LEPROTL1: variants seen among roughly 807,000 people sequenced by gnomAD.
LEPROTL1 encodes the protein leptin receptor overlapping transcript like 1.
LEPROTL1 carries 6 observed loss-of-function variants against 15.4 expected under a neutral mutation model. The ratio of observed to expected loss-of-function variants is 0.39; its 90% CI spans 0.21 to 0.77. The LOEUF is 0.77. Among genes scored for constraint, LEPROTL1 ranks in the 30% least tolerant of loss-of-function variants. The probability of loss-of-function intolerance (pLI) is 0.41; values close to 1 mark genes in which losing one functional copy is unlikely to be tolerated. For synonymous variants in LEPROTL1, 56 were observed against 52.6 expected (o/e 1.06, Z -0.28); for missense variants, 128 against 158.1 (o/e 0.81, Z 1.02).
At chr8:30,119,896 C>T (rs1163609520) in intron 3 of LEPROTL1, among the ~76,000 whole-genome samples, 1 of 151,986 alleles carries the variant, frequency 6.6e-6, no homozygotes, top group East Asian at 1.9e-4. Context: ...TGGCAAAATG[C>T]CGTCTCTGCT....
At chr8:30,109,509 A>C (rs1802623881), downstream of LEPROTL1, among the ~76,000 whole-genome samples, 1 of 152,176 alleles carries the variant, frequency 6.6e-6, no homozygotes, top group African/African-American at 2.4e-5. Flanking sequence ...ATATATTAAA[A>C]CACTTTAATT....
Position 30,106,603 on chromosome 8 carries a change from G to A in LEPROTL1, c.*741G>A. On this transcript the variant is annotated 3_prime_UTR_variant, in exon 4 of 4. Transcript: ENST00000321250. ...GGGTGTAAAAACATTTTTGAGATAA[G>A]GTTTTTATTTATGTTTATTATTGTT... 2 of 983,112 alleles carry A rather than the reference G, an allele frequency of 2.0e-6. No homozygotes were observed. Among genetic ancestry groups the A allele is most frequent in the Non-Finnish European group, 1.2e-6 (1 of 827,528 alleles). The allele number at this position is 983,112 out of a possible 1,614,324, so 60.9% of individuals were successfully genotyped here.
chr8:30,108,971 G>A (rs552882105), downstream of LEPROTL1, among the ~76,000 whole-genome samples: 1 of 152,038 alleles, frequency 6.6e-6, no homozygotes, highest in East Asian at 1.9e-4. Flanking sequence ...TGCCATGTTG[G>A]CCACGCTGGT....
chr8:30,132,876 G>C (rs142693229), intron 4 of LEPROTL1: 5 of 1,531,344 alleles, frequency 3.3e-6, no homozygotes, highest in Non-Finnish European at 4.4e-6. Flanking sequence ...TCTGGGTCAA[G>C]AGCATGAGAG....
chr8:30,096,188 TTTTC>T (rs1802362410), intron 1 of LEPROTL1: 4 of 772,404 alleles, frequency 5.2e-6, no homozygotes, highest in East Asian at 1.9e-4. Context: ...ATTTCAAAAT[TTTTC>T]TTTTTTTCCT....
At position 30,107,637 on chromosome 8, in the gene LEPROTL1, C is replaced by T; in HGVS notation, c.*1775C>T. 3.0e-6 allele frequency: 3 copies of T among 985,706 alleles called. No homozygotes were observed. Among genetic ancestry groups the T allele is most frequent in the Non-Finnish European group, 3.6e-6 (3 of 829,930 alleles). 61.1% of individuals were successfully genotyped at this position (985,706 alleles called of 1,614,324 possible). On this transcript the variant is annotated 3_prime_UTR_variant, in exon 4 of 4. Coordinates refer to ENST00000321250, the MANE Select transcript of LEPROTL1 (RefSeq NM_015344.3). ...GTGGCTGGAGCCTTCCCACTGGAGG[C>T]TGAAAGTGGCTTGTGGTATTATAAT...
At chr8:30,127,632 G>A (rs1802924323) in intron 3 of LEPROTL1, among the ~76,000 whole-genome samples, 1 of 149,126 alleles carries the variant, frequency 6.7e-6, no homozygotes, top group Non-Finnish European at 1.5e-5. Flanking sequence ...TTGTGCCACT[G>A]CATGCCAGCC....
chr8:30,134,184 G>T (rs1313997621), intron 4 of LEPROTL1, among the ~76,000 whole-genome samples: 1 of 152,118 alleles, frequency 6.6e-6, no homozygotes, highest in Non-Finnish European at 1.5e-5. Flanking sequence ...CAGCACTTTG[G>T]GAGGCCGAGG....
intron 1 of LEPROTL1, among the ~76,000 whole-genome samples, chr8:30,097,061 A>C (rs918775206): frequency 1.3e-5 from 2 of 152,226 alleles, no homozygotes; most frequent in African/African-American, 4.8e-5. Flanking sequence ...TTTGCTAGAT[A>C]ATTGGGCTGC....
intron 1 of LEPROTL1, chr8:30,095,959 C>T (rs1802356912): frequency 1.2e-5 from 8 of 687,208 alleles, no homozygotes; most frequent in Non-Finnish European, 2.1e-5. Flanking sequence ...AGTCATTTCC[C>T]ACCGAAAGGC....
downstream of LEPROTL1, among the ~76,000 whole-genome samples, chr8:30,112,825 T>G (rs1266071259): frequency 6.6e-6 from 1 of 152,148 alleles, no homozygotes; most frequent in African/African-American, 2.4e-5. Context: ...AGATGTTCGC[T>G]GTTGCTTTCA....
At chr8:30,129,564 G>A (rs964964821) in intron 3 of LEPROTL1, among the ~76,000 whole-genome samples, 1 of 151,996 alleles carries the variant, frequency 6.6e-6, no homozygotes, top group African/African-American at 2.4e-5. Context: ...AATTAGCTGG[G>A]TGTGGTGGCA....
chr8:30,104,631 G>T (rs1044888604), intron 3 of LEPROTL1, 145 bp downstream of exon 3: 1 of 463,576 alleles, frequency 2.2e-6, no homozygotes, highest in South Asian at 6.1e-5. Context: ...TTTATTGTTT[G>T]TTCTTGTTAA....
rs1802557784 is a variant in LEPROTL1, at chr8:30,105,913, A to G, written c.*51A>G. The G allele has an allele frequency of 1.4e-6, 2 of 1,437,958 alleles. No homozygotes were observed. Among genetic ancestry groups the G allele is most frequent in the African/African-American group, 2.9e-5 (2 of 68,018 alleles). The allele number at this position is 1,437,958 out of a possible 1,614,324, so 89.1% of individuals were successfully genotyped here. On this transcript the variant is annotated 3_prime_UTR_variant, in exon 4 of 4. Transcript: ENST00000321250. ...ATGGACTTCCTGTCATTTGTTGGCC[A>G]TTCACGCACACAGGAGATGGGGCAG... is the stretch of plus-strand genomic sequence containing the variant.
intron 3 of LEPROTL1, among the ~76,000 whole-genome samples, chr8:30,115,232 C>T (rs1802719810): frequency 6.6e-6 from 1 of 151,958 alleles, no homozygotes; most frequent in African/African-American, 2.4e-5. Context: ...TGTGGTGCCG[C>T]TGTGGTCCCA....
chr8:30,132,097 T>C, intron 3 of LEPROTL1: 1 of 1,551,678 alleles, frequency 6.4e-7, no homozygotes, highest in South Asian at 1.2e-5. Context: ...CAACTGGGTG[T>C]GGGCCCAGGT....
downstream of LEPROTL1, among the ~76,000 whole-genome samples, chr8:30,112,707 C>A (rs185353260): frequency 8.6e-5 from 13 of 151,938 alleles, no homozygotes; most frequent in East Asian, 2.1e-3. Context: ...TTATTTAACC[C>A]GTGTCCCATT....
intron 3 of LEPROTL1, among the ~76,000 whole-genome samples, chr8:30,117,120 G>A (rs116741542): frequency 3.1e-4 from 47 of 152,126 alleles, no homozygotes; most frequent in African/African-American, 1.1e-3. Flanking sequence ...CTAACTCCTT[G>A]TATTGTAATC....
chr8:30,101,670 CAAAAAAA>C (rs11316779), intron 1 of LEPROTL1, among the ~76,000 whole-genome samples: 1 of 52,696 alleles, frequency 1.9e-5, no homozygotes, highest in African/African-American at 7.2e-5. Context: ...CTCCATCTCA[CAAAAAAA>C]AAAAAAAAAA....
Sources: allele counts gnomAD v4.1 joint callset (sites outside exome capture counted in the v4.1 genomes callset), GRCh38; gene constraint gnomAD v4.1.1; transcripts MANE v1.5; gene names NCBI Gene and HGNC (gene_info 2026-07-23, HGNC 2026-07-21).